The following EYS variants were observed in gnomAD, a reference collection of about 807,000 sequenced individuals.
EYS encodes the protein protein eyes shut homolog.
In EYS, 250 loss-of-function variants were observed where a neutral mutation model predicts 282.1. The ratio of observed to expected loss-of-function variants is 0.89; its 90% CI spans 0.80 to 0.98. The LOEUF (loss-of-function observed/expected upper bound fraction) is 0.98. Among genes scored for constraint, EYS ranks in the 50% least tolerant of loss-of-function variants. The probability of loss-of-function intolerance (pLI) is 0.00; values close to 1 mark genes in which losing one functional copy is unlikely to be tolerated. For synonymous variants in EYS, 1,355 were observed against 1,282.9 expected, an observed-to-expected ratio of 1.06 and a Z score of -1.20; for missense variants, 4,016 against 3,709.0, an observed-to-expected ratio of 1.08 and a Z score of -2.15.
intron 34 of EYS, among the ~76,000 whole-genome samples, chr6:63,986,262 T>TA (rs1183719980): frequency 6.6e-6 from 1 of 151,478 alleles, no homozygotes; most frequent in Admixed American, 6.6e-5. Context: ...TATTGAAAAG[T>TA]AAAAAAATAA....
chr6:65,644,200 G>A (rs913681905), intron 1 of EYS, among the ~76,000 whole-genome samples: 1 of 152,174 alleles, frequency 6.6e-6, no homozygotes, highest in Middle Eastern at 3.4e-3. Context: ...AAAACCTTCA[G>A]TGAAATAGAT....
rs200810701 is a variant in EYS, at chr6:65,355,934, C to CT, written c.1300-2318dup. Among the ~76,000 whole-genome samples the CT allele has an allele frequency of 2.4e-4, 37 of 152,070 alleles. No homozygotes were observed. The East Asian group carries it at 7.0e-3, about 29-fold the overall frequency. On this transcript the variant is annotated intron_variant, in intron 8 of 42. Transcript: ENST00000503581. The stretch of plus-strand genomic sequence containing the variant: ...AATCGTATGGGAATTTCTCAGAGAA[C>CT]TAAAAACAGAAATGTGATTTGATCC...
At chr6:65,344,416 C>T (rs1770318093) in intron 9 of EYS, among the ~76,000 whole-genome samples, 1 of 151,288 alleles carries the variant, frequency 6.6e-6, no homozygotes, top group Admixed American at 6.6e-5. Context: ...AGCTCCCAGG[C>T]CAATTCATTT....
chr6:64,095,810 C>T (rs142610938), intron 31 of EYS, among the ~76,000 whole-genome samples: 1 of 151,970 alleles, frequency 6.6e-6, no homozygotes, highest in Admixed American at 6.6e-5. Flanking sequence ...ATGTTAGCTG[C>T]TTATTTTGCT....
intron 26 of EYS, among the ~76,000 whole-genome samples, chr6:64,546,393 T>C (rs1056444158): frequency 3.5e-4 from 54 of 152,288 alleles, no homozygotes; most frequent in African/African-American, 1.3e-3. Context: ...AAGACTTAAA[T>C]GTTAGACCTA....
In EYS at chr6:65,017,303, G is replaced by A. The variant is rs374698485; in HGVS notation, c.2138-19600C>T. ...TATTTTACTCTGAGAAAGCAAATTC[G>A]CTTTCCAGGTTGAATGCAAACATAT... On this transcript the variant is annotated intron_variant, in intron 13 of 42. Coordinates refer to ENST00000503581, the MANE Select transcript of EYS (RefSeq NM_001142800.2). Among the ~76,000 whole-genome samples the A allele has an allele frequency of 1.1e-4, 16 of 152,114 alleles. No homozygotes were observed. The South Asian group carries it at 1.2e-3, about 12-fold the overall frequency.
At chr6:63,871,905 C>T (rs574137684) in intron 35 of EYS, among the ~76,000 whole-genome samples, 1 of 152,222 alleles carries the variant, frequency 6.6e-6, no homozygotes, top group South Asian at 2.1e-4. Context: ...CTCAGTGCTG[C>T]TCACCCCCAG....
At chr6:64,634,822 T>C (rs1029976715) in intron 22 of EYS, among the ~76,000 whole-genome samples, 2 of 152,204 alleles carry the variant, frequency 1.3e-5, no homozygotes, top group Admixed American at 1.3e-4. Flanking sequence ...GAACATTCAA[T>C]ATAAAAGAAA....
chr6:65,622,538 A>C (rs1766544844), intron 2 of EYS, among the ~76,000 whole-genome samples: 1 of 151,958 alleles, frequency 6.6e-6, no homozygotes, highest in East Asian at 1.9e-4. Context: ...TTCTTATTTA[A>C]GATCTATACA....
intron 19 of EYS, among the ~76,000 whole-genome samples, chr6:64,882,629 A>T (rs1247425301): frequency 1.3e-5 from 2 of 151,372 alleles, no homozygotes; most frequent in Non-Finnish European, 3.0e-5. Flanking sequence ...ATAGTTATCA[A>T]TCAAACAAAA....
chr6:64,780,241 A>T (rs1344787492), intron 22 of EYS, among the ~76,000 whole-genome samples: 8 of 152,254 alleles, frequency 5.3e-5, no homozygotes, highest in African/African-American at 1.7e-4. Flanking sequence ...AAAGGAAGAC[A>T]CTAGTAATAA....
intron 22 of EYS, among the ~76,000 whole-genome samples, chr6:64,781,427 C>T (rs1773855420): frequency 6.6e-6 from 1 of 151,704 alleles, no homozygotes; most frequent in Admixed American, 6.6e-5. Context: ...TGAAATGACA[C>T]TTATGGCCGG....
intron 12 of EYS, among the ~76,000 whole-genome samples, chr6:65,168,208 T>C (rs1444225813): frequency 4.0e-5 from 6 of 151,282 alleles, no homozygotes; most frequent in Admixed American, 2.0e-4. Flanking sequence ...TCTTTTCTTA[T>C]ATAAAAAGTA....
intron 5 of EYS, among the ~76,000 whole-genome samples, chr6:65,464,830 A>C (rs1261340844): frequency 2.0e-5 from 3 of 152,180 alleles, no homozygotes; most frequent in Admixed American, 2.0e-4. Context: ...CTAGGTTGGA[A>C]ACTTACCTTG....
chr6:63,919,573 T>C (rs1040939834), intron 35 of EYS, among the ~76,000 whole-genome samples: 1 of 152,120 alleles, frequency 6.6e-6, no homozygotes, highest in Non-Finnish European at 1.5e-5. Context: ...AACTGTGACA[T>C]AGACTTAATT....
chr6:65,679,162 C>G (rs989868003), intron 1 of EYS, among the ~76,000 whole-genome samples: 1 of 151,868 alleles, frequency 6.6e-6, no homozygotes, highest in African/African-American at 2.4e-5. Context: ...ACATACTTAT[C>G]TAAAGTAACT....
chr6:65,646,533 A>C (rs1003064992), intron 1 of EYS, among the ~76,000 whole-genome samples: 3 of 152,212 alleles, frequency 2.0e-5, no homozygotes, highest in African/African-American at 7.2e-5. Context: ...TTAAGGTAAT[A>C]AAAACCATCT....
intron 5 of EYS, among the ~76,000 whole-genome samples, chr6:65,408,348 C>T (rs771586043): frequency 1.3e-4 from 20 of 151,788 alleles, no homozygotes; most frequent in Non-Finnish European, 2.5e-4. Flanking sequence ...TTTTCCTTTT[C>T]TCTTCTTTTA....
chr6:65,124,115 A>G (rs1282410775), intron 12 of EYS, among the ~76,000 whole-genome samples: 3 of 152,086 alleles, frequency 2.0e-5, no homozygotes, highest in Admixed American at 6.5e-5. Context: ...CCAGGCTGCA[A>G]TCAGCCTAGA....
Sources: allele counts gnomAD v4.1 joint callset (sites outside exome capture counted in the v4.1 genomes callset), GRCh38; gene constraint gnomAD v4.1.1; transcripts MANE v1.5; gene names NCBI Gene and HGNC (gene_info 2026-07-23, HGNC 2026-07-21).